KIAA1549L: variants seen among roughly 807,000 people sequenced by gnomAD.
KIAA1549L encodes the protein KIAA1549 like.
A neutral mutation model predicts 160.7 loss-of-function variants in KIAA1549L; 88 were observed. The ratio of observed to expected loss-of-function variants is 0.55; its 90% CI spans 0.46 to 0.65. The LOEUF (loss-of-function observed/expected upper bound fraction) is 0.65. Ranked by LOEUF, KIAA1549L falls within the 30% of genes least tolerant of loss-of-function variation. The probability of loss-of-function intolerance (pLI) is 0.00; values close to 1 mark genes in which losing one functional copy is unlikely to be tolerated. For synonymous variants in KIAA1549L, 950 were observed against 976.7 expected (o/e 0.97, Z 0.51); for missense variants, 2,258 against 2,437.5 (o/e 0.93, Z 1.55).
At chr11:33,642,460 G>A (rs999698872) in intron 16 of KIAA1549L, among the ~76,000 whole-genome samples, 1 of 152,198 alleles carries the variant, frequency 6.6e-6, no homozygotes, top group African/African-American at 2.4e-5. Flanking sequence ...ACTTGGATAA[G>A]GGAGGGGAAG....
At chr11:33,583,009 G>A (rs1403352664) in intron 10 of KIAA1549L, among the ~76,000 whole-genome samples, 1 of 152,132 alleles carries the variant, frequency 6.6e-6, no homozygotes, top group Non-Finnish European at 1.5e-5. Context: ...TGTCACCCCT[G>A]GGGAAAATTG....
chr11:33,545,088 C>T lies in KIAA1549L; in HGVS notation c.3095C>T (p.Ala1032Val). The change falls in exon 3 of 21, where the codon GCC becomes GTC. Residue 1032 changes from alanine to valine, a missense_variant. This residue lies in a region of KIAA1549L where 1,359 missense variants were observed against 1,546.6 expected (regional missense o/e 0.88). Coordinates refer to ENST00000658780, the MANE Select transcript of KIAA1549L (RefSeq NM_012194.3). Reference protein sequence around the residue: ...HTAMQGNMDTASGLLSTTYLP... With the variant: ...HTAMQGNMDTVSGLLSTTYLP... ...GCCATGCAAGGAAACATGGACACTG[C>T]CTCTGGCCTGTTGTCTACAACTTAC... The T allele has an allele frequency of 6.2e-7, 1 of 1,614,010 alleles. No homozygotes were observed. Among genetic ancestry groups the T allele is most frequent in the South Asian group, 1.1e-5 (1 of 91,084 alleles).
intron 3 of KIAA1549L, among the ~76,000 whole-genome samples, chr11:33,546,894 C>G (rs552952069): frequency 1.3e-5 from 2 of 152,292 alleles, no homozygotes; most frequent in South Asian, 2.1e-4. Context: ...TAAAATAGAA[C>G]AAGTATAACA....
At position 33,618,682 on chromosome 11, in the gene KIAA1549L, G is replaced by A; in HGVS notation, c.5409+20G>A. 1 of 1,543,452 alleles carries A rather than the reference G, an allele frequency of 6.5e-7. No homozygotes were observed. Among genetic ancestry groups the A allele is most frequent in the Non-Finnish European group, 8.8e-7 (1 of 1,138,356 alleles). ...TACGATGTGAGTCTCTGGTGGGCTG[G>A]GTAAATACAAGCTTTCCTTTCCCCT... is the stretch of plus-strand genomic sequence containing the variant. On this transcript the variant is annotated intron_variant, in intron 16 of 20. Coordinates refer to ENST00000658780, the MANE Select transcript of KIAA1549L (RefSeq NM_012194.3).
chr11:33,530,913 T>C (rs1043393249), intron 1 of KIAA1549L, among the ~76,000 whole-genome samples: 3 of 152,194 alleles, frequency 2.0e-5, no homozygotes, highest in Non-Finnish European at 4.4e-5. Context: ...GAAAAGGCAG[T>C]GCGAAGTTGG....
chr11:33,556,760 GT>G (rs1854661717), intron 6 of KIAA1549L, among the ~76,000 whole-genome samples: 1 of 152,142 alleles, frequency 6.6e-6, no homozygotes, highest in Admixed American at 6.6e-5. Context: ...CAGAGTTTCT[GT>G]TTGGGATGAT....
Position 33,544,290 on chromosome 11 carries a change from C to T in KIAA1549L, c.2727C>T (p.Thr909=). 18 of 1,614,032 alleles carry T rather than the reference C, an allele frequency of 1.1e-5. No individual in the cohort carries two copies. Among genetic ancestry groups the T allele is most frequent in the Non-Finnish European group, 1.5e-5 (18 of 1,179,898 alleles). Residue 909 remains threonine (T), a synonymous_variant, in exon 2 of 21, where the codon ACC becomes ACT. Transcript: ENST00000658780. The part of the protein sequence containing the change: ...SSISTSVFPR[T]SSRVLRASQH... The stretch of plus-strand genomic sequence containing the variant: ...TATCGACCAGTGTCTTTCCCAGGAC[C>T]TCCTCCAGAGTGCTGCGGGCTTCTC...
At chr11:33,462,480 GT>G (rs977876028) in intron 1 of KIAA1549L, among the ~76,000 whole-genome samples, 3 of 152,214 alleles carry the variant, frequency 2.0e-5, no homozygotes, top group African/African-American at 7.2e-5. Flanking sequence ...TGAGTAGCTA[GT>G]GTGTTTCTTT....
chr11:33,563,133 G>C (rs1476290008), intron 8 of KIAA1549L, among the ~76,000 whole-genome samples: 1 of 151,734 alleles, frequency 6.6e-6, no homozygotes, highest in South Asian at 2.1e-4. Context: ...TGAGACAGTT[G>C]GATTGCTTGA....
intron 8 of KIAA1549L, among the ~76,000 whole-genome samples, chr11:33,566,058 A>T (rs1036446473): frequency 2.0e-5 from 3 of 152,178 alleles, no homozygotes; most frequent in African/African-American, 7.2e-5. Flanking sequence ...CTAACATAAA[A>T]GTTACCATTT....
rs145814942 is a variant in KIAA1549L at position 33,633,095 on chromosome 11, C to T, written c.5410-12591C>T. Among the ~76,000 whole-genome samples, 269 of 149,958 alleles carry T rather than the reference C, an allele frequency of 1.8e-3. 1 individual carries two copies. Among genetic ancestry groups the T allele is most frequent in the African/African-American group, 6.2e-3 (252 of 40,536 alleles). On this transcript the variant is annotated intron_variant, in intron 16 of 20. Transcript: ENST00000658780. ...GGTTCAGGCGATTCTCCTGTCTCAG[C>T]CTCCCAAGTAACTGGGATGACAGGT...
intron 1 of KIAA1549L, among the ~76,000 whole-genome samples, chr11:33,392,196 A>G (rs956624551): frequency 2.6e-5 from 4 of 152,238 alleles, no homozygotes; most frequent in Non-Finnish European, 5.9e-5. Context: ...TATACAGTGC[A>G]GTCCTTCCCT....
intron 1 of KIAA1549L, among the ~76,000 whole-genome samples, chr11:33,405,966 C>T (rs1338976954): frequency 2.6e-5 from 4 of 151,338 alleles, no homozygotes; most frequent in Non-Finnish European, 5.9e-5. Flanking sequence ...TGGACCTGGT[C>T]TACTATAGGA....
intron 6 of KIAA1549L, among the ~76,000 whole-genome samples, chr11:33,559,168 G>A (rs917454652): frequency 2.0e-5 from 3 of 152,100 alleles, no homozygotes; most frequent in African/African-American, 2.4e-5. Context: ...AGGTTCTGTC[G>A]CTCTGCCCGT....
chr11:33,454,982 G>A (rs1485981009), intron 1 of KIAA1549L, among the ~76,000 whole-genome samples: 2 of 152,078 alleles, frequency 1.3e-5, no homozygotes, highest in Non-Finnish European at 2.9e-5. Flanking sequence ...CCAGCTACTC[G>A]GGAGGCTGAG....
intron 6 of KIAA1549L, among the ~76,000 whole-genome samples, chr11:33,554,823 A>T (rs1001241188): frequency 6.6e-6 from 1 of 152,188 alleles, no homozygotes; most frequent in Non-Finnish European, 1.5e-5. Context: ...TCAAGAAGGG[A>T]GGATGGATGC....
rs1159941555 is a variant in KIAA1549L, at chr11:33,591,339, A to G, written c.4669A>G (p.Ile1557Val). The change falls in exon 12 of 21, where the codon ATT becomes GTT. Residue 1557 changes from isoleucine (I) to valine (V), a missense_variant. By Grantham distance (29) the Ile-to-Val change is conservative. This residue lies in a region of KIAA1549L where 1,359 missense variants were observed against 1,546.6 expected (regional missense o/e 0.88). Coordinates refer to ENST00000658780, the MANE Select transcript of KIAA1549L (RefSeq NM_012194.3). ...GGAGACAGTGGTTCTCCCACTGCCCATTAGAGATGCTCCTCAGGAAAGAGA... is the reference window on the plus strand; with the variant it reads ...GGAGACAGTGGTTCTCCCACTGCCCGTTAGAGATGCTCCTCAGGAAAGAGA... ...TQETVVLPLPIRDAPQERDVA... is the reference protein window; with the variant it reads ...TQETVVLPLPVRDAPQERDVA... 4 of 1,613,774 alleles carry G rather than the reference A, an allele frequency of 2.5e-6. No individual in the cohort carries two copies. Among genetic ancestry groups the G allele is most frequent in the South Asian group, 1.1e-5 (1 of 91,072 alleles).
rs2133233313 is a variant in KIAA1549L at position 33,568,128 on chromosome 11, C to A, written c.4131C>A (p.Ala1377=). The A allele has an allele frequency of 6.2e-7, 1 of 1,612,970 alleles. No individual in the cohort carries two copies. The highest frequency in any genetic ancestry group is 1.3e-5 in the African/African-American group (1 of 75,032). ...TGGGCCTGCACAACCAGAGCTTTGCCCGGGTCATGGAGCAGCGCCTGGCCC... is the reference window on the plus strand; with the variant it reads ...TGGGCCTGCACAACCAGAGCTTTGCACGGGTCATGGAGCAGCGCCTGGCCC... ...SLVGLHNQSF[A]RVMEQRLAQL... Residue 1377 remains alanine, a synonymous_variant, in exon 9 of 21, where the codon GCC becomes GCA. Transcript: ENST00000658780.
chr11:33,569,745 C>T (rs982813774), intron 9 of KIAA1549L, among the ~76,000 whole-genome samples: 12 of 152,144 alleles, frequency 7.9e-5, no homozygotes, highest in South Asian at 6.2e-4. Flanking sequence ...GACCTTACCA[C>T]GAGGTAAAGC....
Sources: gnomAD v4.1 joint callset for allele counts (sites outside exome capture counted in the v4.1 genomes callset) on GRCh38, gnomAD v4.1.1 for gene constraint, gnomAD v4.1.1 regional missense constraint, MANE v1.5 for transcripts, NCBI Gene and HGNC (gene_info 2026-07-23, HGNC 2026-07-21) for gene names.